Variants in RSU1 observed in about 807,000 individuals in gnomAD.
RSU1 encodes the protein Ras suppressor protein 1, also known as rsu-1.
Under a neutral mutation model 31.1 loss-of-function variants are expected in RSU1, and 26 were observed. The ratio of observed to expected loss-of-function variants is 0.84; its 90% CI spans 0.61 to 1.16. The LOEUF (loss-of-function observed/expected upper bound fraction) is 1.16, where lower values mean the gene tolerates loss of function less well. Ranked by LOEUF, RSU1 falls within the 50% of genes most tolerant of loss-of-function variation. The pLI, the probability that RSU1 is intolerant of heterozygous loss-of-function variation, is 0.00. For synonymous variants in RSU1, 164 were observed against 136.3 expected (o/e 1.20, Z -1.41); for missense variants, 320 against 339.1 (o/e 0.94, Z 0.44).
At position 16,715,018 on chromosome 10, in the gene RSU1, T is replaced by C. The variant is rs573310419; in HGVS notation, c.599-19863A>G. On this transcript the variant is annotated intron_variant, in intron 7 of 8. Coordinates refer to ENST00000345264, the MANE Select transcript of RSU1 (RefSeq NM_012425.4). The stretch of plus-strand genomic sequence containing the variant: ...ACATTTCCCCATAAACAGCACCCCA[T>C]GACTGCCAAGTCTCCACTGGGGGAG... Among the ~76,000 whole-genome samples, 7 of 152,298 alleles carry C rather than the reference T, an allele frequency of 4.6e-5. No individual in the cohort carries two copies. The South Asian group carries it at 1.0e-3, about 23-fold the overall frequency.
In RSU1 at chr10:16,592,138, C is replaced by G. The variant is rs1369590452; in HGVS notation, c.*1256G>C. 1 of 149,520 alleles carries G rather than the reference C, an allele frequency of 6.7e-6. No homozygotes were observed. The highest frequency in any genetic ancestry group is 2.6e-5 in the African/African-American group (1 of 39,144). 9.3% of individuals were successfully genotyped at this position (149,520 alleles called of 1,614,324 possible). A position where few individuals can be genotyped will look rare whatever the true frequency, so the allele number is the denominator to read the frequency against. The stretch of plus-strand genomic sequence containing the variant: ...CAACTGGGAAGCCGAAAGGATACAG[C>G]AGAGATTTTATATGCCCCAGTGGGT... On this transcript the variant is annotated 3_prime_UTR_variant, in exon 9 of 9. Transcript: ENST00000345264.
At chr10:16,702,956 A>G (rs753325709) in intron 7 of RSU1, among the ~76,000 whole-genome samples, 2 of 152,342 alleles carry the variant, frequency 1.3e-5, no homozygotes, top group Non-Finnish European at 2.9e-5. Context: ...TGGCAGGATC[A>G]TAAGAGTAAT....
chr10:16,614,455 C>A lies in RSU1; in HGVS notation c.732-20959G>T, dbSNP rs1030216662. Among the ~76,000 whole-genome samples the A allele has an allele frequency of 4.6e-5, 7 of 151,514 alleles. No individual in the cohort carries two copies. In the South Asian group the frequency reaches 6.3e-4, roughly 14 times the overall value. The stretch of plus-strand genomic sequence containing the variant: ...CAATAATTAAATGAGGCACTATAGT[C>A]CCCCCACCACAAGAGAATTGTAATC... On this transcript the variant is annotated intron_variant, in intron 8 of 8. Coordinates refer to ENST00000345264, the MANE Select transcript of RSU1 (RefSeq NM_012425.4).
chr10:16,662,953 G>A (rs1367820106), intron 8 of RSU1, among the ~76,000 whole-genome samples: 3 of 150,690 alleles, frequency 2.0e-5, no homozygotes, highest in Admixed American at 2.0e-4. Context: ...CATAATTTCG[G>A]GGGCATCTCT....
intron 2 of RSU1, among the ~76,000 whole-genome samples, chr10:16,798,366 A>C (rs992898454): frequency 2.0e-5 from 3 of 152,292 alleles, no homozygotes; most frequent in South Asian, 2.1e-4. Context: ...CCCAAATCTC[A>C]TCTTGAACTG....
At chr10:16,715,801 T>C (rs887599287) in intron 7 of RSU1, among the ~76,000 whole-genome samples, 2 of 152,230 alleles carry the variant, frequency 1.3e-5, no homozygotes, top group Non-Finnish European at 2.9e-5. Flanking sequence ...TGCAATTCCA[T>C]ATGAACTTTA....
chr10:16,729,684 G>A (rs1037621092), intron 7 of RSU1, among the ~76,000 whole-genome samples: 7 of 152,192 alleles, frequency 4.6e-5, no homozygotes, highest in African/African-American at 1.7e-4. Flanking sequence ...AGATGGGTTA[G>A]GGGTTTATTT....
chr10:16,645,873 T>TTCTGGTGTTTTGTG lies in RSU1; in HGVS notation c.731+49149_731+49150insCACAAAACACCAGA, dbSNP rs1564298111. ...TTTAAAATATATACGTATATATACA[T>TTCTGGTGTTTTGTG]ATATGTGTATATACATATATGTATA... On this transcript the variant is annotated intron_variant, in intron 8 of 8. Transcript: ENST00000345264. Among the ~76,000 whole-genome samples, 65 of 115,216 alleles carry TTCTGGTGTTTTGTG rather than the reference T, an allele frequency of 5.6e-4. 7 individuals carry two copies. Among genetic ancestry groups the TTCTGGTGTTTTGTG allele is most frequent in the African/African-American group, 2.7e-3 (64 of 23,316 alleles). 75.6% of individuals were successfully genotyped at this position (115,216 alleles called of 152,430 possible).
chr10:16,624,096 C>T (rs1051463586), intron 8 of RSU1, among the ~76,000 whole-genome samples: 1 of 152,046 alleles, frequency 6.6e-6, no homozygotes, highest in Non-Finnish European at 1.5e-5. Context: ...AATTTTATGA[C>T]GTGCTGGGTG....
intron 8 of RSU1, among the ~76,000 whole-genome samples, chr10:16,671,366 T>C (rs943636278): frequency 6.6e-6 from 1 of 152,114 alleles, no homozygotes; most frequent in African/African-American, 2.4e-5. Flanking sequence ...GCTTTCTGGA[T>C]TGTTAAGATG....
intron 3 of RSU1, among the ~76,000 whole-genome samples, chr10:16,768,649 C>T (rs1375854145): frequency 6.6e-6 from 1 of 152,214 alleles, no homozygotes; most frequent in African/African-American, 2.4e-5. Flanking sequence ...CTCAAAGTTT[C>T]TTCTGGACTT....
chr10:16,733,005 G>T (rs1404552149), intron 7 of RSU1, among the ~76,000 whole-genome samples: 2 of 151,840 alleles, frequency 1.3e-5, no homozygotes, highest in African/African-American at 2.4e-5. Flanking sequence ...CTGTAAAATG[G>T]GAAAAAAGTA....
intron 2 of RSU1, among the ~76,000 whole-genome samples, chr10:16,816,760 T>C (rs575977505): frequency 6.6e-6 from 1 of 152,338 alleles, no homozygotes; most frequent in Non-Finnish European, 1.5e-5. Context: ...GCTGTCTGTG[T>C]GATTCTCATC....
chr10:16,782,197 T>A, intron 2 of RSU1, 113 bp from the exon 3 acceptor site: 1 of 740,678 alleles, frequency 1.4e-6, no homozygotes, highest in Non-Finnish European at 2.3e-6. Context: ...GTTGAAGCAC[T>A]ATCGCTCACC....
intron 8 of RSU1, among the ~76,000 whole-genome samples, chr10:16,689,955 A>G (rs1003194706): frequency 6.6e-6 from 1 of 152,252 alleles, no homozygotes; most frequent in African/African-American, 2.4e-5. Flanking sequence ...TTTCAAGGGA[A>G]GCATTTCCAG....
At chr10:16,630,669 G>A (rs1834231822) in intron 8 of RSU1, among the ~76,000 whole-genome samples, 1 of 152,202 alleles carries the variant, frequency 6.6e-6, no homozygotes, top group South Asian at 2.1e-4. Flanking sequence ...CTACAGGTGC[G>A]TTTCATGATT....
At chr10:16,751,440 T>C (rs11254170) in intron 7 of RSU1, among the ~76,000 whole-genome samples, 21,064 of 152,166 alleles carry the variant, frequency 0.14, 1,693 homozygotes, top group African/African-American at 0.22. Context: ...TTTAGACTAA[T>C]ATGGCTGCCA....
chr10:16,808,799 G>T (rs550829710), intron 2 of RSU1, among the ~76,000 whole-genome samples: 1 of 152,140 alleles, frequency 6.6e-6, no homozygotes, highest in Non-Finnish European at 1.5e-5. Flanking sequence ...TTAAAGAGGC[G>T]ATCAGGTTAA....
Position 16,752,623 on chromosome 10 carries a change from G to A in RSU1, c.514C>T (p.Leu172=). ...LSLRDNDLIS[L]PKEIGELTQL... is the part of the protein sequence containing the mutation. Reference sequence around the variant, plus strand: ...GTAAGCTCCCCGATTTCCTTAGGCAGCGAGATCAGGTCGTTATCCCTAAGG... The same window carrying A: ...GTAAGCTCCCCGATTTCCTTAGGCAACGAGATCAGGTCGTTATCCCTAAGG... The change falls in exon 7 of 9, where the codon CTG becomes TTG. Residue 172 remains leucine, a synonymous_variant. Coordinates refer to ENST00000345264, the MANE Select transcript of RSU1 (RefSeq NM_012425.4). 1 of 1,614,076 alleles carries A rather than the reference G, an allele frequency of 6.2e-7. No homozygotes were observed. Among genetic ancestry groups the A allele is most frequent in the East Asian group, 2.2e-5 (1 of 44,884 alleles).
Sources: gnomAD v4.1 joint callset for allele counts (sites outside exome capture counted in the v4.1 genomes callset) on GRCh38, gnomAD v4.1.1 for gene constraint, MANE v1.5 for transcripts, NCBI Gene and HGNC (gene_info 2026-07-23, HGNC 2026-07-21) for gene names.